The following EPHA6 variants were observed in gnomAD, a reference collection of about 807,000 sequenced individuals.
EPHA6 encodes ephrin type-A receptor 6.
Under a neutral mutation model 112.0 loss-of-function variants are expected in EPHA6, and 50 were observed. That is an observed-to-expected ratio of 0.45 (90% CI 0.36 to 0.56). The LOEUF (loss-of-function observed/expected upper bound fraction) is 0.56. Ranked by LOEUF, EPHA6 falls within the 20% of genes least tolerant of loss-of-function variation. EPHA6 has a pLI of 0.00. For missense variants in EPHA6, 1,280 were observed against 1,417.4 expected, an observed-to-expected ratio of 0.90 and a Z score of 1.56; for synonymous variants, 529 against 490.7, an observed-to-expected ratio of 1.08 and a Z score of -1.03.
intron 3 of EPHA6, among the ~76,000 whole-genome samples, chr3:97,160,318 AC>A (rs2076383258): frequency 6.6e-6 from 1 of 151,946 alleles, no homozygotes; most frequent in African/African-American, 2.4e-5. Flanking sequence ...TCGCTCTGTC[AC>A]CCAGTGCAGT....
intron 2 of EPHA6, among the ~76,000 whole-genome samples, chr3:96,868,191 AGAGTGT>A (rs1260057847): frequency 3.6e-5 from 5 of 140,304 alleles, no homozygotes; most frequent in African/African-American, 1.5e-4. Flanking sequence ...AGAGAGAGAC[AGAGTGT>A]GTGTGTGTGT....
chr3:96,905,684 G>A (rs1421453140), intron 2 of EPHA6, among the ~76,000 whole-genome samples: 1 of 151,754 alleles, frequency 6.6e-6, no homozygotes, highest in East Asian at 1.9e-4. Flanking sequence ...GAAACTTGTG[G>A]AGACTATTAA....
chr3:97,539,207 G>T (rs865811643), intron 11 of EPHA6, among the ~76,000 whole-genome samples: 1 of 147,170 alleles, frequency 6.8e-6, no homozygotes, highest in Non-Finnish European at 1.5e-5. Flanking sequence ...GAGTGCAGTC[G>T]CAAGATCTGG....
At chr3:97,395,985 CT>C (rs2086672019) in intron 5 of EPHA6, among the ~76,000 whole-genome samples, 1 of 151,610 alleles carries the variant, frequency 6.6e-6, no homozygotes, top group African/African-American at 2.4e-5. Flanking sequence ...CATATGAAAG[CT>C]TTTTAAACAA....
chr3:97,066,537 C>A (rs923842593), intron 3 of EPHA6, among the ~76,000 whole-genome samples: 2 of 152,140 alleles, frequency 1.3e-5, no homozygotes, highest in African/African-American at 4.8e-5. Context: ...GTAAGTCCTG[C>A]AGGAGACATA....
intron 14 of EPHA6, among the ~76,000 whole-genome samples, chr3:97,682,805 G>A (rs1256350056): frequency 6.6e-6 from 1 of 152,126 alleles, no homozygotes; most frequent in African/African-American, 2.4e-5. Flanking sequence ...TCTGTCATCT[G>A]TATACTCTAT....
intron 2 of EPHA6, among the ~76,000 whole-genome samples, chr3:96,962,148 T>A (rs927643022): frequency 2.1e-5 from 3 of 140,996 alleles, no homozygotes. Context: ...GCAGTTTTGT[T>A]GGAGACAAAA....
chr3:97,254,554 AC>A lies in EPHA6; in HGVS notation c.1606+10268del, dbSNP rs554016383. The stretch of plus-strand genomic sequence containing the variant: ...TATTTCCTAAAATAAATTATTTTCC[AC>A]TTTCTGAATTGTATTAACCAAATTC... On this transcript the variant is annotated intron_variant, in intron 5 of 17. Coordinates refer to ENST00000389672, the MANE Select transcript of EPHA6 (RefSeq NM_001080448.3). 3.2e-3 allele frequency among the ~76,000 whole-genome samples: 482 copies of A among 149,742 alleles called. 3 individuals are homozygous for A. The highest frequency in any genetic ancestry group is 0.011 in the African/African-American group (439 of 40,290).
chr3:97,115,078 A>G (rs927983841), intron 3 of EPHA6, among the ~76,000 whole-genome samples: 14 of 152,016 alleles, frequency 9.2e-5, no homozygotes, highest in Non-Finnish European at 1.8e-4. Context: ...TGTGTAGCAG[A>G]CTGTGATAGG....
chr3:97,304,496 A>C, intron 5 of EPHA6, among the ~76,000 whole-genome samples: 1 of 150,376 alleles, frequency 6.6e-6, no homozygotes, highest in Non-Finnish European at 1.5e-5. Flanking sequence ...TTCAAACTAT[A>C]CTACAAGGCT....
chr3:97,206,647 G>A (rs932096061), intron 3 of EPHA6, among the ~76,000 whole-genome samples: 1 of 151,902 alleles, frequency 6.6e-6, no homozygotes, highest in Admixed American at 6.6e-5. Context: ...AACTCCAGGT[G>A]TTTATTAATA....
chr3:97,432,923 A>T (rs572746097), intron 6 of EPHA6, among the ~76,000 whole-genome samples: 3 of 152,294 alleles, frequency 2.0e-5, no homozygotes, highest in Admixed American at 2.0e-4. Flanking sequence ...AGGGATTACA[A>T]CAGGAGATGA....
At chr3:97,245,037 G>C (rs999379118) in intron 5 of EPHA6, among the ~76,000 whole-genome samples, 1 of 151,832 alleles carries the variant, frequency 6.6e-6, no homozygotes, top group African/African-American at 2.4e-5. Flanking sequence ...AAATTATATG[G>C]GCACACAAGT....
At chr3:97,040,756 A>G (rs543130505) in intron 3 of EPHA6, among the ~76,000 whole-genome samples, 26 of 152,238 alleles carry the variant, frequency 1.7e-4, no homozygotes, top group South Asian at 1.2e-3. Context: ...CAGCAAAGCA[A>G]TGATGCAGTT....
At chr3:97,603,761 C>G (rs913611640) in intron 12 of EPHA6, among the ~76,000 whole-genome samples, 1 of 151,860 alleles carries the variant, frequency 6.6e-6, no homozygotes, top group Admixed American at 6.6e-5. Flanking sequence ...GGAAAATACT[C>G]ATATAAATTG....
At chr3:97,056,944 C>T (rs1559698915) in intron 3 of EPHA6, among the ~76,000 whole-genome samples, 1 of 152,108 alleles carries the variant, frequency 6.6e-6, no homozygotes, top group Non-Finnish European at 1.5e-5. Flanking sequence ...GACTCTTGCT[C>T]CTTCTAAATA....
At chr3:97,513,101 T>C (rs2092393099) in intron 10 of EPHA6, among the ~76,000 whole-genome samples, 1 of 152,214 alleles carries the variant, frequency 6.6e-6, no homozygotes, top group African/African-American at 2.4e-5. Context: ...TTTCATTAAG[T>C]AACATTATTT....
intron 12 of EPHA6, 53 bp downstream of exon 12, chr3:97,592,790 C>CTCA (rs1231524590): frequency 3.4e-6 from 5 of 1,484,868 alleles, no homozygotes; most frequent in Non-Finnish European, 4.5e-6. Flanking sequence ...TAGGATTGTG[C>CTCA]TCATAGTTGA....
intron 14 of EPHA6, among the ~76,000 whole-genome samples, chr3:97,660,235 T>G (rs1421319134): frequency 6.6e-6 from 1 of 152,090 alleles, no homozygotes; most frequent in African/African-American, 2.4e-5. Flanking sequence ...TCACTGTATA[T>G]TCATTTTCAC....
Sources: allele counts gnomAD v4.1 joint callset (sites outside exome capture counted in the v4.1 genomes callset), GRCh38; gene constraint gnomAD v4.1.1; transcripts MANE v1.5; gene names NCBI Gene and HGNC (gene_info 2026-07-23, HGNC 2026-07-21).